Variants in IMMT observed in about 807,000 individuals in gnomAD.
IMMT encodes the protein MICOS complex subunit MIC60.
In IMMT, 40 loss-of-function variants were observed where a neutral mutation model predicts 92.7. The observed-to-expected ratio is 0.43, with a 90% CI of 0.34 to 0.56. The LOEUF (loss-of-function observed/expected upper bound fraction) is 0.56. Among genes scored for constraint, IMMT ranks in the 20% least tolerant of loss-of-function variants. The probability of loss-of-function intolerance (pLI) is 0.03; values close to 1 mark genes in which losing one functional copy is unlikely to be tolerated. For missense variants in IMMT, 831 were observed against 912.1 expected (o/e 0.91, Z 1.14); for synonymous variants, 322 against 336.1 (o/e 0.96, Z 0.46).
intron 6 of IMMT, among the ~76,000 whole-genome samples, chr2:86,170,108 A>C (rs1676979407): frequency 6.6e-6 from 1 of 152,130 alleles, no homozygotes; most frequent in South Asian, 2.1e-4. Context: ...GTATAAATTA[A>C]CAATTATTAA....
chr2:86,182,198 T>C (rs574382624), intron 1 of IMMT, among the ~76,000 whole-genome samples: 28 of 152,348 alleles, frequency 1.8e-4, no homozygotes, highest in Admixed American at 3.3e-4. Context: ...ACCTATTAAT[T>C]TGAAAATTTA....
At chr2:86,152,651 C>T (rs942713919) in intron 11 of IMMT, among the ~76,000 whole-genome samples, 4 of 151,956 alleles carry the variant, frequency 2.6e-5, no homozygotes, top group Admixed American at 2.0e-4. Context: ...ATCCCAGCTA[C>T]TCAGGAGGCT....
intron 3 of IMMT, among the ~76,000 whole-genome samples, chr2:86,174,686 C>T (rs995209532): frequency 6.6e-6 from 1 of 152,064 alleles, no homozygotes; most frequent in Non-Finnish European, 1.5e-5. Flanking sequence ...GTTTCACTTC[C>T]TTAAACAAAC....
In IMMT at chr2:86,195,421, G is replaced by A. The variant is rs1028651453; in HGVS notation, c.-39C>T. On this transcript the variant is annotated 5_prime_UTR_variant, in exon 1 of 15. Transcript: ENST00000410111. ...ACGGCGCTGCTGGTGGACTCGAGCT[G>A]CCGCGGCGGCGCGAGTTAAGTGGAG... 2.6e-6 allele frequency: 4 copies of A among 1,541,756 alleles called. No individual in the cohort carries two copies. The highest frequency in any genetic ancestry group is 1.4e-5 in the African/African-American group (1 of 72,356).
intron 1 of IMMT, among the ~76,000 whole-genome samples, chr2:86,191,137 G>T (rs1452655232): frequency 6.6e-6 from 1 of 151,698 alleles, no homozygotes; most frequent in Non-Finnish European, 1.5e-5. Context: ...CTTGAGCCCA[G>T]GAGTTTGAGA....
At chr2:86,167,522 T>C (rs1172226980) in intron 6 of IMMT, among the ~76,000 whole-genome samples, 13 of 140,726 alleles carry the variant, frequency 9.2e-5, no homozygotes, top group African/African-American at 2.9e-4. Flanking sequence ...TCCCACTCTA[T>C]CGCCCAGGCT....
chr2:86,173,175 C>T (rs1035022226), intron 4 of IMMT, among the ~76,000 whole-genome samples: 1 of 152,198 alleles, frequency 6.6e-6, no homozygotes, highest in Non-Finnish European at 1.5e-5. Context: ...TAGAGTTCAA[C>T]AGGCAAGTGC....
At chr2:86,174,049 A>C (rs1335442060) in intron 3 of IMMT, among the ~76,000 whole-genome samples, 1 of 152,226 alleles carries the variant, frequency 6.6e-6, no homozygotes, top group African/African-American at 2.4e-5. Context: ...ATTAAACACC[A>C]TTGCTTGTAC....
chr2:86,147,561 A>G (rs1675113596), intron 13 of IMMT, 141 bp downstream of exon 13: 1 of 664,464 alleles, frequency 1.5e-6, no homozygotes. Context: ...CAGGTACACC[A>G]TTATGTAAAA....
chr2:86,181,481 A>G, intron 1 of IMMT, 109 bp from the exon 2 acceptor site: 1 of 752,200 alleles, frequency 1.3e-6, no homozygotes, highest in South Asian at 1.7e-5. Context: ...TCATTAAACA[A>G]AAAATTACTT....
intron 4 of IMMT, among the ~76,000 whole-genome samples, chr2:86,172,249 T>C (rs1573922768): frequency 6.6e-6 from 1 of 151,738 alleles, no homozygotes; most frequent in African/African-American, 2.4e-5. Context: ...GGATTACAGG[T>C]GTGAGCCACT....
At chr2:86,177,476 C>T (rs1296791413) in intron 3 of IMMT, among the ~76,000 whole-genome samples, 4 of 151,928 alleles carry the variant, frequency 2.6e-5, no homozygotes, top group Non-Finnish European at 4.4e-5. Flanking sequence ...TGGTGGTGCA[C>T]GCCTGTAGTC....
At chr2:86,153,725 G>A (rs561936136) in intron 10 of IMMT, among the ~76,000 whole-genome samples, 151 bp from the exon 11 acceptor site, 8 of 152,204 alleles carry the variant, frequency 5.3e-5, no homozygotes, top group East Asian at 1.9e-4. Flanking sequence ...GAAATGATAC[G>A]GCTATTTTCT....
At position 86,151,356 on chromosome 2, in the gene IMMT, C is replaced by A. The variant is rs373034490; in HGVS notation, c.1342G>T (p.Ala448Ser). 6.8e-6 allele frequency: 11 copies of A among 1,613,894 alleles called. No individual in the cohort carries two copies. The African/African-American group carries it at 1.5e-4, about 22-fold the overall frequency. The change falls in exon 12 of 15, where the codon GCA (alanine) becomes TCA (serine). Residue 448 changes from alanine (A) to serine (S), a missense_variant. Coordinates refer to ENST00000410111, the MANE Select transcript of IMMT (RefSeq NM_006839.3). The part of the protein sequence containing the change: ...KLEEKRAFDS[A>S]VAKALEHHRS... ...TGATGTTCTAATGCTTTTGCTACTG[C>A]AGAGTCAAATGCCCGCTTTTCTTCC...
intron 5 of IMMT, among the ~76,000 whole-genome samples, 173 bp from the exon 6 acceptor site, chr2:86,171,017 T>C (rs1221139441): frequency 1.3e-5 from 2 of 152,258 alleles, no homozygotes; most frequent in East Asian, 1.9e-4. Flanking sequence ...AATGAAGAAA[T>C]AGGAATCAGG....
intron 10 of IMMT, among the ~76,000 whole-genome samples, chr2:86,155,976 TTAATA>T (rs1675828803): frequency 6.6e-6 from 1 of 152,208 alleles, no homozygotes; most frequent in Non-Finnish European, 1.5e-5. Flanking sequence ...ATTTTATAAA[TTAATA>T]AAGATTTAAA....
intron 12 of IMMT, among the ~76,000 whole-genome samples, chr2:86,150,920 ATTTT>A (rs35901635): frequency 4.1e-5 from 6 of 145,532 alleles, no homozygotes; most frequent in African/African-American, 5.1e-5. Flanking sequence ...GACTGTCAGT[ATTTT>A]TTTTTTTTTT....
intron 4 of IMMT, among the ~76,000 whole-genome samples, chr2:86,171,858 A>ATTT (rs201083595): frequency 2.5e-5 from 3 of 119,276 alleles, no homozygotes; most frequent in African/African-American, 8.5e-5. Flanking sequence ...ATATATATAT[A>ATTT]TATATTTTTT....
chr2:86,185,045 G>A (rs557498437), intron 1 of IMMT, among the ~76,000 whole-genome samples: 10 of 152,090 alleles, frequency 6.6e-5, no homozygotes, highest in Admixed American at 3.9e-4. Flanking sequence ...AAAATTAGCC[G>A]GGCGTGGCAG....
Sources: allele counts gnomAD v4.1 joint callset (sites outside exome capture counted in the v4.1 genomes callset), GRCh38; gene constraint gnomAD v4.1.1; transcripts MANE v1.5; gene names NCBI Gene and HGNC (gene_info 2026-07-23, HGNC 2026-07-21).